CIST1: variants seen among roughly 807,000 people sequenced by gnomAD.
The protein encoded by CIST1 is colon, intestine and stomach enriched 1, also known as uncharacterized LOC729966.
At chr19:18,249,972 C>T in the CIST1 span, 1 of 396,536 alleles carries the variant, frequency 2.5e-6, no homozygotes, top group Non-Finnish European at 4.4e-6. Context: ...GAGCCCAGCA[C>T]ATAGTAGGTG....
At chr19:18,252,490 C>T in the CIST1 span, 808 of 385,470 alleles carry the variant, frequency 2.1e-3, 12 homozygotes, top group East Asian at 0.027. Flanking sequence ...AAAAACTGGG[C>T]GCGGTGGCTC....
At chr19:18,253,918 C>T in the CIST1 span, among the ~76,000 whole-genome samples, 16 of 152,342 alleles carry the variant, frequency 1.1e-4, no homozygotes, top group East Asian at 3.9e-4. Context: ...CAACTCTCTG[C>T]TCCACCCATG....
the CIST1 span, chr19:18,255,089 C>T: frequency 1.0e-5 from 4 of 393,650 alleles, no homozygotes; most frequent in Non-Finnish European, 1.8e-5. The surrounding 1 kb of genome is among the most constrained non-coding windows in gnomAD (Gnocchi z 4.6). Flanking sequence ...AAAACCCAGC[C>T]TTCCTCGGAG....
chr19:18,253,135 C>T, the CIST1 span, among the ~76,000 whole-genome samples: 1 of 152,130 alleles, frequency 6.6e-6, no homozygotes, highest in African/African-American at 2.4e-5. Context: ...GCATCCCAGG[C>T]AGTGCTGGGC....
At chr19:18,255,258 A>G in the CIST1 span, 149 of 399,032 alleles carry the variant, frequency 3.7e-4, no homozygotes, top group African/African-American at 2.3e-3. The surrounding 1 kb of genome is among the most constrained non-coding windows in gnomAD (Gnocchi z 4.6). Context: ...AGCTTTCAGC[A>G]GCACCACCAG....
At chr19:18,252,660 C>T in the CIST1 span, among the ~76,000 whole-genome samples, 3 of 151,950 alleles carry the variant, frequency 2.0e-5, no homozygotes, top group Non-Finnish European at 4.4e-5. Flanking sequence ...CTCTGTCACC[C>T]AGGCTGGAGA....
At chr19:18,251,277 C>CA in the CIST1 span, among the ~76,000 whole-genome samples, 1 of 151,550 alleles carries the variant, frequency 6.6e-6, no homozygotes, top group Admixed American at 6.6e-5. Context: ...AGGCGCCCGC[C>CA]ACCATGCCTG....
At chr19:18,252,492 C>T in the CIST1 span, 9 of 387,024 alleles carry the variant, frequency 2.3e-5, no homozygotes, top group African/African-American at 1.3e-4. Flanking sequence ...AAACTGGGCG[C>T]GGTGGCTCAC....
chr19:18,254,519 A>G, the CIST1 span, among the ~76,000 whole-genome samples: 33 of 152,288 alleles, frequency 2.2e-4, no homozygotes, highest in Middle Eastern at 3.4e-3. Context: ...AACCAGTTCT[A>G]ATCTGGGTCT....
the CIST1 span, chr19:18,252,430 T>G: frequency 2.5e-6 from 1 of 399,060 alleles, no homozygotes; most frequent in Non-Finnish European, 4.4e-6. Flanking sequence ...ATCAGAGAGC[T>G]GACAGGTGAT....
At chr19:18,254,170 G>C in the CIST1 span, among the ~76,000 whole-genome samples, 1 of 152,178 alleles carries the variant, frequency 6.6e-6, no homozygotes, top group Non-Finnish European at 1.5e-5. Flanking sequence ...AGTAGCAGAG[G>C]GTCTGGCCTG....
chr19:18,251,280 C>T, the CIST1 span, among the ~76,000 whole-genome samples: 1 of 151,644 alleles, frequency 6.6e-6, no homozygotes, highest in African/African-American at 2.4e-5. Context: ...CGCCCGCCAC[C>T]ATGCCTGGCT....
At chr19:18,251,676 A>ACCCCCCCCCCCCCCCCCCCCCCC in the CIST1 span, among the ~76,000 whole-genome samples, 2 of 23,562 alleles carry the variant, frequency 8.5e-5, no homozygotes, top group African/African-American at 2.3e-4. Flanking sequence ...CTCGTGATAC[A>ACCCCCCCCCCCCCCCCCCCCCCC]CGCCCCCCCC....
At chr19:18,253,514 G>A in the CIST1 span, among the ~76,000 whole-genome samples, 1 of 149,082 alleles carries the variant, frequency 6.7e-6, no homozygotes, top group Admixed American at 6.7e-5. Context: ...TCATGCCACT[G>A]AACTCCAGCC....
chr19:18,251,084 A>G, the CIST1 span, among the ~76,000 whole-genome samples: 1 of 145,942 alleles, frequency 6.9e-6, no homozygotes, highest in South Asian at 2.2e-4. Flanking sequence ...CCTAATTTTT[A>G]AATTTTATTT....
the CIST1 span, among the ~76,000 whole-genome samples, chr19:18,254,458 G>A: frequency 6.6e-6 from 1 of 152,216 alleles, no homozygotes; most frequent in Admixed American, 6.5e-5. Flanking sequence ...TGTGCTGGGT[G>A]TTTGCTCTCC....
the CIST1 span, chr19:18,255,119 C>T: frequency 7.6e-6 from 3 of 395,406 alleles, no homozygotes; most frequent in Non-Finnish European, 1.3e-5. This position sits in a 1 kb window ranked among gnomAD's most constrained non-coding sequence, Gnocchi z 4.6. Context: ...ACCAGCGTGG[C>T]CTGAGGGAGG....
the CIST1 span, chr19:18,249,977 T>C: frequency 2.5e-6 from 1 of 396,890 alleles, no homozygotes; most frequent in East Asian, 3.6e-5. Context: ...CAGCACATAG[T>C]AGGTGCTCAG....
the CIST1 span, chr19:18,255,205 T>C: frequency 2.6e-6 from 1 of 382,256 alleles, no homozygotes. The surrounding 1 kb of genome is among the most constrained non-coding windows in gnomAD (Gnocchi z 4.6). Flanking sequence ...GCTGAGCCTC[T>C]TTACCAGCTC....
Sources: allele counts gnomAD v4.1 joint callset (sites outside exome capture counted in the v4.1 genomes callset), GRCh38; gene constraint gnomAD v4.1.1; non-coding constraint Gnocchi (gnomAD v3.1); transcripts MANE v1.5; gene names NCBI Gene and HGNC (gene_info 2026-07-23, HGNC 2026-07-21).